The following WDFY4 variants were observed in gnomAD, a reference collection of about 807,000 sequenced individuals.
The protein encoded by WDFY4 is WD repeat- and FYVE domain-containing protein 4.
Under a neutral mutation model 351.9 loss-of-function variants are expected in WDFY4, and 169 were observed. The observed-to-expected ratio is 0.48, with a 90% CI of 0.42 to 0.55. The LOEUF is 0.55. Among genes scored for constraint, WDFY4 ranks in the 20% least tolerant of loss-of-function variants. The pLI is 0.00. For missense variants in WDFY4, 3,803 were observed against 3,935.6 expected (o/e 0.97, Z 0.90); for synonymous variants, 1,622 against 1,574.6 (o/e 1.03, Z -0.71).
chr10:48,759,224 A>G (rs11101459), intron 12 of WDFY4, among the ~76,000 whole-genome samples: 13,919 of 152,120 alleles, frequency 0.092, 769 homozygotes, highest in South Asian at 0.18. Context: ...CCTCCTAGTT[A>G]GGGTCAGATG....
intron 47 of WDFY4, among the ~76,000 whole-genome samples, chr10:48,923,588 A>G (rs1170560490): frequency 6.6e-6 from 1 of 150,550 alleles, no homozygotes; most frequent in Non-Finnish European, 1.5e-5. Flanking sequence ...GTAAATTTTC[A>G]TTTATCTATG....
chr10:48,866,738 G>A (rs746556817), intron 39 of WDFY4, among the ~76,000 whole-genome samples: 1 of 152,188 alleles, frequency 6.6e-6, no homozygotes. Flanking sequence ...GTTGGAGATG[G>A]AAGCAACCCA....
chr10:48,772,887 T>G (rs1314095842), intron 13 of WDFY4, among the ~76,000 whole-genome samples: 1 of 151,156 alleles, frequency 6.6e-6, no homozygotes, highest in Non-Finnish European at 1.5e-5. Flanking sequence ...CATCATTTTT[T>G]ATGGCTGCAT....
At chr10:48,939,827 A>G (rs528924071) in intron 47 of WDFY4, among the ~76,000 whole-genome samples, 16 of 152,218 alleles carry the variant, frequency 1.1e-4, no homozygotes, top group Non-Finnish European at 2.4e-4. Flanking sequence ...CTTGAAGCTG[A>G]TAGCCAATGA....
chr10:48,937,929 G>C (rs941782805), intron 47 of WDFY4, among the ~76,000 whole-genome samples: 3 of 152,136 alleles, frequency 2.0e-5, no homozygotes, highest in African/African-American at 4.8e-5. Context: ...CTCTACCCCT[G>C]CCACACTCTG....
chr10:48,956,116 C>T (rs1841578026), intron 51 of WDFY4, among the ~76,000 whole-genome samples: 1 of 152,242 alleles, frequency 6.6e-6, no homozygotes, highest in Non-Finnish European at 1.5e-5. Flanking sequence ...TCCAAACCCC[C>T]AAGACCACCT....
intron 39 of WDFY4, among the ~76,000 whole-genome samples, chr10:48,840,435 C>T (rs2068559560): frequency 6.6e-6 from 1 of 151,102 alleles, no homozygotes; most frequent in Non-Finnish European, 1.5e-5. Flanking sequence ...TACACACACA[C>T]ACACACACAC....
In WDFY4 at chr10:48,822,468, G is replaced by A; in HGVS notation, c.5913G>A (p.Lys1971=). Residue 1971 remains lysine, a synonymous_variant, in exon 35 of 62, where the codon AAG becomes AAA. Coordinates refer to ENST00000325239, the MANE Select transcript of WDFY4 (RefSeq NM_001394531.1). ...ISCFTQKLVE[K]LYSGMFSADP... ...GCTTCACCCAGAAGCTGGTGGAGAAGCTGTACAGTGGGATGTTCTCGGCAG... is the reference window on the plus strand; with the variant it reads ...GCTTCACCCAGAAGCTGGTGGAGAAACTGTACAGTGGGATGTTCTCGGCAG... 1 of 1,551,280 alleles carries A rather than the reference G, an allele frequency of 6.4e-7. No individual in the cohort carries two copies. The highest frequency in any genetic ancestry group is 8.7e-7 in the Non-Finnish European group (1 of 1,146,610).
chr10:48,929,182 A>T (rs1251522290), intron 47 of WDFY4, among the ~76,000 whole-genome samples: 1 of 152,122 alleles, frequency 6.6e-6, no homozygotes, highest in African/African-American at 2.4e-5. Flanking sequence ...ATCAAGTGGA[A>T]AAGTCTCTTT....
At chr10:48,858,763 A>C (rs2069233364) in intron 39 of WDFY4, among the ~76,000 whole-genome samples, 2 of 152,208 alleles carry the variant, frequency 1.3e-5, no homozygotes, top group African/African-American at 4.8e-5. Context: ...TTTTAATAAG[A>C]ATTTTATTAA....
chr10:48,907,531 A>G (rs1246385578), intron 47 of WDFY4, among the ~76,000 whole-genome samples: 1 of 152,196 alleles, frequency 6.6e-6, no homozygotes, highest in Non-Finnish European at 1.5e-5. Context: ...TGTCTCCTTT[A>G]GAGATTATCT....
intron 12 of WDFY4, among the ~76,000 whole-genome samples, chr10:48,754,053 G>A (rs192842570): frequency 6.6e-6 from 1 of 152,110 alleles, no homozygotes; most frequent in African/African-American, 2.4e-5. Flanking sequence ...CTATTAATGT[G>A]GTGTATTTTG....
At chr10:48,943,530 C>A (rs76716285) in intron 49 of WDFY4, 81 bp downstream of exon 49, 3 of 1,440,014 alleles carry the variant, frequency 2.1e-6, no homozygotes, top group Middle Eastern at 4.5e-4. Context: ...GCATGCAGAG[C>A]CTCTGCTAGG....
chr10:48,863,216 T>A (rs2069407228), intron 39 of WDFY4, among the ~76,000 whole-genome samples: 1 of 152,270 alleles, frequency 6.6e-6, no homozygotes, highest in Non-Finnish European at 1.5e-5. Context: ...TACCTGAGAA[T>A]GGAATTGCTG....
chr10:48,982,746 C>T lies in WDFY4; in HGVS notation c.*171C>T, dbSNP rs746551301. On this transcript the variant is annotated 3_prime_UTR_variant, in exon 62 of 62. Transcript: ENST00000325239. The stretch of plus-strand genomic sequence containing the variant: ...TCTGCAGCCCAACCCTCTCCATGGC[C>T]GATGGGACTTCTATGAAAAGGATGA... 6.4e-5 allele frequency: 42 copies of T among 657,328 alleles called. No individual in the cohort carries two copies. The highest frequency in any genetic ancestry group is 1.5e-4 in the Admixed American group (7 of 46,966). The allele number at this position is 657,328 out of a possible 1,614,324, so 40.7% of individuals were successfully genotyped here.
intron 47 of WDFY4, among the ~76,000 whole-genome samples, chr10:48,919,018 C>T (rs1838808790): frequency 6.6e-6 from 1 of 152,128 alleles, no homozygotes; most frequent in Non-Finnish European, 1.5e-5. Flanking sequence ...CTGCAGAATA[C>T]AAACTCTTTT....
At chr10:48,760,010 G>T (rs1408903843) in intron 12 of WDFY4, among the ~76,000 whole-genome samples, 3 of 152,078 alleles carry the variant, frequency 2.0e-5, no homozygotes, top group African/African-American at 7.2e-5. Context: ...GTGTGTGTGT[G>T]TTCAATATGA....
At chr10:48,687,611 C>CTTTTTT (rs57413418) in intron 1 of WDFY4, among the ~76,000 whole-genome samples, 22 of 101,292 alleles carry the variant, frequency 2.2e-4, no homozygotes, top group Admixed American at 3.3e-4. Context: ...ATAGGCCATT[C>CTTTTTT]TTTTTTTTTT....
intron 2 of WDFY4, among the ~76,000 whole-genome samples, chr10:48,712,409 G>A (rs964009655): frequency 6.6e-6 from 1 of 152,206 alleles, no homozygotes. Context: ...TCCCTAAACT[G>A]CTGACACAAT....
Sources: gnomAD v4.1 joint callset for allele counts (sites outside exome capture counted in the v4.1 genomes callset) on GRCh38, gnomAD v4.1.1 for gene constraint, MANE v1.5 for transcripts, NCBI Gene and HGNC (gene_info 2026-07-23, HGNC 2026-07-21) for gene names.